LMF1: variants seen among roughly 807,000 people sequenced by gnomAD.
LMF1 encodes the protein lipase maturation factor 1, also known as transmembrane protein 112.
A neutral mutation model predicts 60.6 loss-of-function variants in LMF1; 68 were observed. The ratio of observed to expected loss-of-function variants is 1.12; its 90% confidence interval spans 0.92 to 1.37. The LOEUF is 1.37. Among genes scored for constraint, LMF1 ranks in the 40% most tolerant of loss-of-function variants. The probability of loss-of-function intolerance (pLI) is 0.00; values close to 1 mark genes in which losing one functional copy is unlikely to be tolerated. For synonymous variants in LMF1, 418 were observed against 324.7 expected, an observed-to-expected ratio of 1.29 and a Z score of -3.09; for missense variants, 948 against 767.2, an observed-to-expected ratio of 1.24 and a Z score of -2.78.
chr16:870,839 C>G lies in LMF1; in HGVS notation c.1122G>C (p.Leu374=). 3 of 1,611,754 alleles carry G rather than the reference C, an allele frequency of 1.9e-6. No individual in the cohort carries two copies. Among genetic ancestry groups the G allele is most frequent in the Non-Finnish European group, 2.5e-6 (3 of 1,179,758 alleles). ...CCACGGGCACGCTGAGCCAGGCCAG[C>G]AGGACGCCCAGCGAGACGTTGGCTG... ...RRAANVSLGV[L]LAWLSVPVVL... Residue 374 remains leucine (L), a synonymous_variant, in exon 8 of 11, where the codon CTG becomes CTC. Transcript: ENST00000262301.
chr16:945,325 G>A (rs1047226349), intron 2 of LMF1, among the ~76,000 whole-genome samples: 1 of 151,350 alleles, frequency 6.6e-6, no homozygotes, highest in Non-Finnish European at 1.5e-5. Context: ...AGGAGTTCAA[G>A]ACCAGCCTGG....
chr16:920,080 C>T (rs1008255866), intron 3 of LMF1, among the ~76,000 whole-genome samples: 1 of 152,176 alleles, frequency 6.6e-6, no homozygotes, highest in Admixed American at 6.5e-5. Flanking sequence ...CACAATGGCC[C>T]CAGCCTGTCG....
chr16:964,245 G>A (rs2072876896), intron 1 of LMF1: 1 of 413,844 alleles, frequency 2.4e-6, no homozygotes. Flanking sequence ...GTAGTGAGAG[G>A]AGATTGCACC....
intron 1 of LMF1, among the ~76,000 whole-genome samples, chr16:955,577 G>A (rs577056737): frequency 8.5e-5 from 13 of 152,326 alleles, no homozygotes; most frequent in East Asian, 3.9e-4. Flanking sequence ...AACCAGACAC[G>A]TTACATAAAA....
chr16:979,696 G>A (rs1433131564), intron 1 of LMF1: 3 of 454,038 alleles, frequency 6.6e-6, no homozygotes, highest in African/African-American at 2.0e-5. Context: ...CTTTTCTTTG[G>A]CAAAGAGAGC....
chr16:854,094 C>T lies in LMF1; in HGVS notation c.*438G>A, dbSNP rs2069121260. On this transcript the variant is annotated 3_prime_UTR_variant, in exon 11 of 11. Coordinates refer to ENST00000262301, the MANE Select transcript of LMF1 (RefSeq NM_022773.4). The stretch of plus-strand genomic sequence containing the variant: ...GGGACTTGGCTCTGAGGGTCAGGAC[C>T]TGGCTGGGAACACACCATTGAAGAG... The T allele has an allele frequency of 2.2e-6, 1 of 457,832 alleles. No homozygotes were observed. The highest frequency in any genetic ancestry group is 4.4e-6 in the Non-Finnish European group (1 of 229,536). The allele number at this position is 457,832 out of a possible 1,614,324, so 28.4% of individuals were successfully genotyped here.
intron 2 of LMF1, among the ~76,000 whole-genome samples, chr16:943,759 C>T (rs1185739349): frequency 7.1e-6 from 1 of 141,248 alleles, no homozygotes; most frequent in African/African-American, 2.7e-5. Flanking sequence ...AAGAGGAATA[C>T]TTCCCTTGAG....
chr16:874,760 C>T lies in LMF1; in HGVS notation c.898-3419G>A, dbSNP rs142036908. 1.3e-5 allele frequency among the ~76,000 whole-genome samples: 2 copies of T among 151,968 alleles called. No individual in the cohort carries two copies. The highest frequency in any genetic ancestry group is 6.5e-5 in the Admixed American group (1 of 15,292). ...GCGCTCAGATGGGAACACACGGAAC[C>T]AGGACAGGCTCCAGGCAGGCGGCGC... On this transcript the variant is annotated intron_variant, in intron 6 of 10. Coordinates refer to ENST00000262301, the MANE Select transcript of LMF1 (RefSeq NM_022773.4). The surrounding 1 kb of genome is among the most constrained non-coding windows in gnomAD (Gnocchi z 4.1).
chr16:953,383 A>G (rs112628610), intron 2 of LMF1, among the ~76,000 whole-genome samples: 19 of 40,486 alleles, frequency 4.7e-4, no homozygotes, highest in East Asian at 2.2e-3. Flanking sequence ...CCAGCCTCCT[A>G]CACGTCCACA....
chr16:893,045 A>T lies in LMF1; in HGVS notation c.691T>A (p.Cys231Ser). The change falls in exon 5 of 11, where the codon TGC becomes AGC. Residue 231 changes from cysteine (C) to serine (S), a missense_variant. Physicochemically the swap from Cys to Ser is moderately radical, Grantham distance 112. Coordinates refer to ENST00000262301, the MANE Select transcript of LMF1 (RefSeq NM_022773.4). ...AGLIKIRGDR[C>S]WRDLTCMDFH... ...TCCATGCAGGTGAGGTCTCGCCAGCACCGGTCCCCCCGGATCTTGATCAGG... is the reference window on the plus strand; with the variant it reads ...TCCATGCAGGTGAGGTCTCGCCAGCTCCGGTCCCCCCGGATCTTGATCAGG... 2 of 1,553,122 alleles carry T rather than the reference A, an allele frequency of 1.3e-6. No homozygotes were observed. Among genetic ancestry groups the T allele is most frequent in the Non-Finnish European group, 1.7e-6 (2 of 1,148,564 alleles).
At chr16:899,872 A>AGCACACACGTGGGAG (rs1162632442) in intron 4 of LMF1, 5 of 152,260 alleles carry the variant, frequency 3.3e-5, no homozygotes, top group African/African-American at 1.2e-4. Context: ...TTGGGGTGGC[A>AGCACACACGTGGGAG]GCACACACGT....
chr16:926,202 TG>T (rs2071594624), intron 3 of LMF1, among the ~76,000 whole-genome samples: 1 of 152,100 alleles, frequency 6.6e-6, no homozygotes, highest in Non-Finnish European at 1.5e-5. Flanking sequence ...TCTGCATACG[TG>T]GGTCTGTGTG....
intron 1 of LMF1, chr16:976,764 A>T: frequency 2.2e-6 from 1 of 454,128 alleles, no homozygotes. Context: ...CACATCCGTG[A>T]TCTGGGCGTG....
intron 3 of LMF1, among the ~76,000 whole-genome samples, chr16:914,624 C>T (rs112393256): frequency 0.13 from 266 of 2,002 alleles, no homozygotes; most frequent in Middle Eastern, 0.3. Flanking sequence ...TCCCCATGAC[C>T]ATTGGTGACA....
intron 4 of LMF1, chr16:898,905 G>T (rs996432427): frequency 3.3e-5 from 5 of 152,180 alleles, no homozygotes; most frequent in African/African-American, 4.8e-5. Context: ...GAAACCTTCG[G>T]CGTGAACCCA....
At chr16:933,529 G>C (rs182879383) in intron 3 of LMF1, 1 of 168,952 alleles carries the variant, frequency 5.9e-6, no homozygotes, top group South Asian at 1.5e-4. Flanking sequence ...AGAGAGTTCG[G>C]GGCAGAGAGA....
upstream of LMF1, among the ~76,000 whole-genome samples, chr16:974,009 C>CA (rs34433197): frequency 0.16 from 13,686 of 85,530 alleles, 800 homozygotes; most frequent in African/African-American, 0.22. Context: ...GACTCTGTCT[C>CA]AAAAAAAAAA....
At chr16:949,583 G>A (rs571684566) in intron 2 of LMF1, among the ~76,000 whole-genome samples, 20 of 128,542 alleles carry the variant, frequency 1.6e-4, no homozygotes, top group Non-Finnish European at 3.0e-4. Context: ...CAGAGACAAC[G>A]ACAGAGTCAG....
intron 5 of LMF1, among the ~76,000 whole-genome samples, chr16:890,587 C>A (rs1034207275): frequency 6.6e-6 from 1 of 152,350 alleles, no homozygotes; most frequent in South Asian, 2.1e-4. Flanking sequence ...CCCTGCACTC[C>A]AGCCTCAGTG....
Sources: gnomAD v4.1 joint callset for allele counts (sites outside exome capture counted in the v4.1 genomes callset) on GRCh38, gnomAD v4.1.1 for gene constraint, Gnocchi (gnomAD v3.1) non-coding constraint, MANE v1.5 for transcripts, NCBI Gene and HGNC (gene_info 2026-07-23, HGNC 2026-07-21) for gene names.